Variants in DPP6 observed in about 807,000 individuals in gnomAD.
The protein encoded by DPP6 is A-type potassium channel modulatory protein DPP6.
A neutral mutation model predicts 122.6 loss-of-function variants in DPP6; 69 were observed. That is an observed-to-expected ratio of 0.56 (90% CI 0.46 to 0.69). DPP6 has a LOEUF of 0.69. DPP6 is among the 30% of genes least tolerant of loss of function. The pLI, the probability that DPP6 is intolerant of heterozygous loss-of-function variation, is 0.00. For missense variants in DPP6, 928 were observed against 1,116.9 expected (o/e 0.83, Z 2.41); for synonymous variants, 418 against 433.1 (o/e 0.97, Z 0.43).
At chr7:153,996,783 A>G (rs981990706) in intron 1 of DPP6, among the ~76,000 whole-genome samples, 1 of 152,244 alleles carries the variant, frequency 6.6e-6, no homozygotes, top group Non-Finnish European at 1.5e-5. Context: ...TTCAATGTCA[A>G]GAACAATTAA....
At chr7:153,813,023 TTTATTA>T in the DPP6 span, among the ~76,000 whole-genome samples, 1 of 152,086 alleles carries the variant, frequency 6.6e-6, no homozygotes, top group African/African-American at 2.4e-5. Context: ...GAAATTTTTT[TTTATTA>T]TTATTATACT....
At chr7:154,257,862 C>T (rs933891662) in intron 1 of DPP6, among the ~76,000 whole-genome samples, 9 of 152,302 alleles carry the variant, frequency 5.9e-5, no homozygotes, top group South Asian at 2.1e-4. Context: ...GTAAATGGCA[C>T]GGCCACATGA....
At chr7:154,490,313 GCT>G (rs1824164975) in intron 3 of DPP6, among the ~76,000 whole-genome samples, 1 of 152,186 alleles carries the variant, frequency 6.6e-6, no homozygotes, top group African/African-American at 2.4e-5. Context: ...TCTTCCCCCG[GCT>G]CCCTCGTGCT....
At chr7:154,835,711 G>C (rs1158366281) in intron 16 of DPP6, among the ~76,000 whole-genome samples, 1 of 152,200 alleles carries the variant, frequency 6.6e-6, no homozygotes, top group African/African-American at 2.4e-5. Flanking sequence ...TTCAGATGCA[G>C]TTCAGAGGCT....
the DPP6 span, among the ~76,000 whole-genome samples, chr7:153,810,678 CTCTCTCTCT>C: frequency 3.2e-5 from 2 of 63,222 alleles, no homozygotes; most frequent in African/African-American, 1.4e-4. Flanking sequence ...TCTCCTCTCT[CTCTCTCTCT>C]CTCTCTCTCT....
At chr7:154,380,102 A>G (rs756477576) in intron 1 of DPP6, among the ~76,000 whole-genome samples, 16 of 152,254 alleles carry the variant, frequency 1.1e-4, no homozygotes, top group Non-Finnish European at 2.1e-4. Context: ...TTGAAAAAAC[A>G]CACACAACAT....
chr7:154,284,151 T>C (rs1804701595), intron 1 of DPP6, among the ~76,000 whole-genome samples: 1 of 152,096 alleles, frequency 6.6e-6, no homozygotes, highest in South Asian at 2.1e-4. Context: ...CACTGGGTCT[T>C]CTGTCTTCTG....
At chr7:154,174,126 T>C (rs1241515116) in intron 1 of DPP6, among the ~76,000 whole-genome samples, 2 of 152,212 alleles carry the variant, frequency 1.3e-5, no homozygotes, top group Non-Finnish European at 2.9e-5. Flanking sequence ...ACGGAGTGAG[T>C]TGGTTATGAC....
At chr7:154,797,815 T>A (rs973325107) in intron 12 of DPP6, among the ~76,000 whole-genome samples, 1 of 152,236 alleles carries the variant, frequency 6.6e-6, no homozygotes, top group Admixed American at 6.5e-5. Flanking sequence ...AACGATTTTT[T>A]AAAAAATTAA....
intron 7 of DPP6, among the ~76,000 whole-genome samples, chr7:154,722,558 A>G (rs1388239294): frequency 1.3e-5 from 2 of 152,246 alleles, no homozygotes; most frequent in African/African-American, 2.4e-5. Context: ...TAAAAAATAC[A>G]TGAGAAAAAT....
rs752065119 is a variant in DPP6, at chr7:154,603,101, C to T, written c.628-34720C>T. On this transcript the variant is annotated intron_variant, in intron 5 of 25. Transcript: ENST00000377770. Reference sequence around the variant, plus strand: ...TTAGTTTCTGAGGGGAACTCTATTACCATTCTCATCTTTTTTTCCTTTGTG... The same window carrying T: ...TTAGTTTCTGAGGGGAACTCTATTATCATTCTCATCTTTTTTTCCTTTGTG... Among the ~76,000 whole-genome samples, 4 of 120,022 alleles carry T rather than the reference C, an allele frequency of 3.3e-5. 1 individual carries two copies. The highest frequency in any genetic ancestry group is 7.5e-5 in the Non-Finnish European group (4 of 53,432). 78.7% of individuals were successfully genotyped at this position (120,022 alleles called of 152,430 possible).
chr7:154,208,992 A>G (rs1392254570), intron 1 of DPP6, among the ~76,000 whole-genome samples: 1 of 152,210 alleles, frequency 6.6e-6, no homozygotes, highest in Non-Finnish European at 1.5e-5. Flanking sequence ...ATTTTACAAC[A>G]GTGATTTCCA....
intron 1 of DPP6, among the ~76,000 whole-genome samples, chr7:154,435,155 G>A (rs995493396): frequency 2.6e-5 from 4 of 152,124 alleles, no homozygotes; most frequent in African/African-American, 9.7e-5. Flanking sequence ...CATTTAAATT[G>A]TGGATTACTA....
rs567675649 is a variant in DPP6, at chr7:154,372,556, T to C, written c.244-73658T>C. Reference sequence around the variant, plus strand: ...TGCCTTGTTCATTTACCTATTCAGATATGAAGTCAAGATACTGTGGGTGTC... The same window carrying C: ...TGCCTTGTTCATTTACCTATTCAGACATGAAGTCAAGATACTGTGGGTGTC... On this transcript the variant is annotated intron_variant, in intron 1 of 25. Transcript: ENST00000377770. Among the ~76,000 whole-genome samples the C allele has an allele frequency of 2.6e-5, 4 of 152,276 alleles. No individual in the cohort carries two copies. The South Asian group carries it at 8.3e-4, about 32-fold the overall frequency.
intron 6 of DPP6, among the ~76,000 whole-genome samples, chr7:154,659,443 T>C (rs1418230319): frequency 6.6e-6 from 1 of 152,266 alleles, no homozygotes; most frequent in East Asian, 1.9e-4. Flanking sequence ...GTGTATTATA[T>C]TGCATGGTCA....
intron 2 of DPP6, among the ~76,000 whole-genome samples, chr7:154,459,923 C>T (rs1314094358): frequency 6.7e-6 from 1 of 148,954 alleles, no homozygotes; most frequent in Non-Finnish European, 1.5e-5. Context: ...TCCCTAGATA[C>T]TGTCACTTTC....
At chr7:154,853,651 G>T in intron 16 of DPP6, 129 bp from the exon 17 acceptor site, 1 of 1,307,094 alleles carries the variant, frequency 7.7e-7, no homozygotes, top group Non-Finnish European at 1.0e-6. Context: ...GATTACTCTT[G>T]CATGAATTCG....
At chr7:154,576,674 C>A (rs1831696776) in intron 5 of DPP6, among the ~76,000 whole-genome samples, 1 of 152,108 alleles carries the variant, frequency 6.6e-6, no homozygotes. Context: ...GCGGTCTCAG[C>A]AGGCCGGGCA....
intron 1 of DPP6, among the ~76,000 whole-genome samples, chr7:154,309,056 T>C (rs1806623539): frequency 6.6e-6 from 1 of 152,248 alleles, no homozygotes. Flanking sequence ...ATGCACTCGT[T>C]GGTCCTAGTT....
Sources: gnomAD v4.1 joint callset for allele counts (sites outside exome capture counted in the v4.1 genomes callset) on GRCh38, gnomAD v4.1.1 for gene constraint, MANE v1.5 for transcripts, NCBI Gene and HGNC (gene_info 2026-07-23, HGNC 2026-07-21) for gene names.